WDR7: variants seen among roughly 807,000 people sequenced by gnomAD.
The protein encoded by WDR7 is WD repeat-containing protein 7.
In WDR7, 46 loss-of-function variants were observed where a neutral mutation model predicts 169.4. The observed-to-expected ratio is 0.27, with a 90% confidence interval of 0.21 to 0.35. The LOEUF is 0.35. Among genes scored for constraint, WDR7 ranks in the 10% least tolerant of loss-of-function variants. The probability of loss-of-function intolerance (pLI) is 1.00; values close to 1 mark genes in which losing one functional copy is unlikely to be tolerated. For missense variants in WDR7, 1,534 were observed against 1,859.3 expected (o/e 0.83, Z 3.22); for synonymous variants, 612 against 666.8 (o/e 0.92, Z 1.27).
intron 19 of WDR7, among the ~76,000 whole-genome samples, chr18:56,805,494 A>G (rs2044758081): frequency 6.6e-6 from 1 of 152,120 alleles, no homozygotes; most frequent in South Asian, 2.1e-4. Flanking sequence ...CGAGATTTCA[A>G]CATTTAGGAT....
At chr18:57,015,087 A>G (rs1171228793) in intron 26 of WDR7, among the ~76,000 whole-genome samples, 1 of 152,184 alleles carries the variant, frequency 6.6e-6, no homozygotes, top group Non-Finnish European at 1.5e-5. Context: ...CTCAGGGGAG[A>G]TGTGGGAATC....
intron 25 of WDR7, among the ~76,000 whole-genome samples, chr18:56,955,150 T>C (rs141157533): frequency 2.2e-3 from 330 of 152,294 alleles, no homozygotes; most frequent in African/African-American, 6.7e-3. Context: ...GTAAAATTCT[T>C]AAGTTAGGTC....
intron 21 of WDR7, among the ~76,000 whole-genome samples, chr18:56,904,662 CAGAA>C (rs1456243015): frequency 6.6e-6 from 1 of 152,106 alleles, no homozygotes; most frequent in Non-Finnish European, 1.5e-5. Context: ...TTCTTCCTGA[CAGAA>C]AGAAAGAATC....
At chr18:56,703,355 T>C (rs1326553038) in intron 12 of WDR7, among the ~76,000 whole-genome samples, 2 of 152,226 alleles carry the variant, frequency 1.3e-5, no homozygotes, top group African/African-American at 4.8e-5. Context: ...TGAAAGCTTT[T>C]GCCTGAATTT....
chr18:56,792,261 T>C (rs1038967406), intron 19 of WDR7, among the ~76,000 whole-genome samples: 1 of 152,130 alleles, frequency 6.6e-6, no homozygotes, highest in African/African-American at 2.4e-5. Context: ...CAAGTGATCC[T>C]CCCTTCTTGA....
At chr18:57,034,887 C>G in the WDR7 span, 1 of 152,250 alleles carries the variant, frequency 6.6e-6, no homozygotes, top group South Asian at 2.1e-4. Context: ...TGAGCAGGCT[C>G]AGCCCATGGA....
intron 17 of WDR7, among the ~76,000 whole-genome samples, chr18:56,778,108 A>G (rs2044266758): frequency 6.6e-6 from 1 of 152,188 alleles, no homozygotes; most frequent in African/African-American, 2.4e-5. Context: ...TAAAGAAGTT[A>G]TAATCTAAAA....
chr18:56,910,503 C>G (rs1188627458), intron 21 of WDR7, among the ~76,000 whole-genome samples: 2 of 152,098 alleles, frequency 1.3e-5, no homozygotes, highest in African/African-American at 4.8e-5. Flanking sequence ...TGTTTTCACT[C>G]CTATATAGAT....
chr18:56,805,583 A>C (rs745744136), intron 19 of WDR7, among the ~76,000 whole-genome samples: 1 of 152,124 alleles, frequency 6.6e-6, no homozygotes, highest in Non-Finnish European at 1.5e-5. Flanking sequence ...TGTCTTTAAC[A>C]ACTGCTTCTG....
At chr18:56,661,117 C>G (rs2024895705) in intron 1 of WDR7, among the ~76,000 whole-genome samples, 1 of 152,112 alleles carries the variant, frequency 6.6e-6, no homozygotes, top group African/African-American at 2.4e-5. Context: ...CTGTTTAATT[C>G]AATTTATATA....
intron 27 of WDR7, among the ~76,000 whole-genome samples, chr18:57,023,001 G>A (rs181313653): frequency 6.6e-6 from 1 of 152,340 alleles, no homozygotes; most frequent in Admixed American, 6.5e-5. Flanking sequence ...AAGCAGCCCA[G>A]GCAACACCCA....
chr18:56,995,092 C>T (rs541081239), intron 26 of WDR7, among the ~76,000 whole-genome samples: 1 of 152,188 alleles, frequency 6.6e-6, no homozygotes, highest in South Asian at 2.1e-4. Flanking sequence ...ACTCAGACTT[C>T]TATATTTTCT....
intron 21 of WDR7, among the ~76,000 whole-genome samples, chr18:56,921,797 A>G (rs2046725539): frequency 6.6e-6 from 1 of 152,138 alleles, no homozygotes; most frequent in Admixed American, 6.5e-5. Flanking sequence ...CTTATTGTTT[A>G]TTTTCACTCT....
intron 26 of WDR7, among the ~76,000 whole-genome samples, chr18:56,994,141 C>A (rs1315299658): frequency 6.6e-6 from 1 of 151,718 alleles, no homozygotes; most frequent in Non-Finnish European, 1.5e-5. Flanking sequence ...CACCTCAGCC[C>A]CACAAGTAGC....
Position 56,962,454 on chromosome 18 carries a change from G to C in WDR7, c.4089G>C (p.Glu1363Asp). The C allele has an allele frequency of 6.2e-7, 1 of 1,613,030 alleles. No homozygotes were observed. Among genetic ancestry groups the C allele is most frequent in the African/African-American group, 1.3e-5 (1 of 74,958 alleles). Residue 1363 changes from glutamate (E) to aspartate (D), a missense_variant, in exon 26 of 28, where the codon GAG (glutamate) becomes GAC (aspartate). By Grantham distance (45) the Glu-to-Asp change is conservative. Transcript: ENST00000254442. Reference protein sequence around the residue: ...ICRFYMVSYYERNHRIAVGAR... With the variant: ...ICRFYMVSYYDRNHRIAVGAR... ...GGTTCTACATGGTCAGCTATTATGA[G>C]CGGAATCACAGAATAGCAGTTGGAG...
Position 57,029,197 on chromosome 18 carries a change from C to T in WDR7, c.*1990C>T, listed in dbSNP as rs2048412238. ...AGAGTGGTAGGCAGCCTGCCGCAAA[C>T]ACACGGATGGCTCCCCCCGCCACGA... On this transcript the variant is annotated 3_prime_UTR_variant, in exon 28 of 28. Coordinates refer to ENST00000254442, the MANE Select transcript of WDR7 (RefSeq NM_015285.3). 6.6e-6 allele frequency: 1 copy of T among 152,110 alleles called. No homozygotes were observed. Among genetic ancestry groups the T allele is most frequent in the South Asian group, 2.1e-4 (1 of 4,826 alleles). The allele number at this position is 152,110 out of a possible 1,614,324, so 9.4% of individuals were successfully genotyped here. A position where few individuals can be genotyped will look rare whatever the true frequency, so the allele number is the denominator to read the frequency against.
chr18:56,875,112 G>A (rs17090401), intron 20 of WDR7, among the ~76,000 whole-genome samples: 2 of 152,072 alleles, frequency 1.3e-5, no homozygotes, highest in Non-Finnish European at 2.9e-5. Flanking sequence ...CTATAAAGTC[G>A]TGTCCTCCAG....
chr18:56,936,370 C>G (rs1043734598), intron 23 of WDR7: 1 of 153,354 alleles, frequency 6.5e-6, no homozygotes, highest in African/African-American at 2.4e-5. Flanking sequence ...CCAGTTGATT[C>G]CCACATTCTT....
At chr18:56,926,212 C>G (rs536943993) in intron 22 of WDR7, among the ~76,000 whole-genome samples, 5 of 152,264 alleles carry the variant, frequency 3.3e-5, no homozygotes, top group African/African-American at 1.2e-4. Context: ...GGAGTCTGTG[C>G]CTATAGTACG....
Sources: gnomAD v4.1 joint callset for allele counts (sites outside exome capture counted in the v4.1 genomes callset) on GRCh38, gnomAD v4.1.1 for gene constraint, MANE v1.5 for transcripts, NCBI Gene and HGNC (gene_info 2026-07-23, HGNC 2026-07-21) for gene names.